The following POLK variants were observed in gnomAD, a reference collection of about 807,000 sequenced individuals.
The protein encoded by POLK is DNA polymerase kappa, also known as polymerase (DNA directed) kappa.
In POLK, 76 loss-of-function variants were observed where a neutral mutation model predicts 94.0. The observed-to-expected ratio is 0.81, with a 90% CI of 0.67 to 0.98. The LOEUF (loss-of-function observed/expected upper bound fraction) is 0.98. Among genes scored for constraint, POLK ranks in the 50% least tolerant of loss-of-function variants. The pLI is 0.00. For synonymous variants in POLK, 349 were observed against 325.4 expected, an observed-to-expected ratio of 1.07 and a Z score of -0.78; for missense variants, 954 against 1,010.1, an observed-to-expected ratio of 0.94 and a Z score of 0.75.
intron 1 of POLK, among the ~76,000 whole-genome samples, chr5:75,529,429 A>G (rs925134261): frequency 2.0e-5 from 3 of 152,144 alleles, no homozygotes; most frequent in Non-Finnish European, 4.4e-5. Flanking sequence ...CCCCACTCCA[A>G]CATTGGGGAT....
intron 11 of POLK, 81 bp downstream of exon 11, chr5:75,590,521 C>T (rs1401785678): frequency 2.5e-6 from 2 of 795,312 alleles, no homozygotes; most frequent in Non-Finnish European, 2.2e-6. Context: ...AGTTAGATTA[C>T]ACATTTCTTA....
At chr5:75,588,695 A>C (rs961486424) in intron 10 of POLK, among the ~76,000 whole-genome samples, 2 of 152,222 alleles carry the variant, frequency 1.3e-5, no homozygotes, top group African/African-American at 4.8e-5. Context: ...TCTAAAGTTA[A>C]TGTGTTGGTA....
intron 6 of POLK, among the ~76,000 whole-genome samples, chr5:75,577,324 G>T (rs1294638301): frequency 9.2e-5 from 14 of 152,022 alleles, no homozygotes; most frequent in Admixed American, 8.5e-4. Flanking sequence ...CAAAACATTG[G>T]ATGATTCTAT....
In POLK at chr5:75,527,502, T is replaced by TATATAC. The variant is rs555220325; in HGVS notation, c.-14+15589_-14+15590insTATACA. On this transcript the variant is annotated intron_variant, in intron 1 of 14. Transcript: ENST00000241436. Reference sequence around the variant, plus strand: ...CTCAAAAAAAAAAAAAATTTATATATACACACACACACACACACACACACA... The same window carrying TATATAC: ...CTCAAAAAAAAAAAAAATTTATATATATATACACACACACACACACACACACACACA... Among the ~76,000 whole-genome samples the TATATAC allele has an allele frequency of 6.3e-3, 842 of 133,020 alleles. 5 individuals are homozygous for TATATAC. The highest frequency in any genetic ancestry group is 0.016 in the Middle Eastern group (4 of 248). 87.3% of individuals were successfully genotyped at this position (133,020 alleles called of 152,430 possible).
At chr5:75,587,369 C>T (rs546220172) in intron 10 of POLK, among the ~76,000 whole-genome samples, 11 of 152,134 alleles carry the variant, frequency 7.2e-5, no homozygotes, top group African/African-American at 2.4e-4. Flanking sequence ...GTATTTACTT[C>T]GGAAATTTAA....
exon 15 of POLK, chr5:75,600,109 A>G (rs1773263906): frequency 6.6e-6 from 1 of 152,206 alleles, no homozygotes; most frequent in South Asian, 2.1e-4. Context: ...ACTAGTGTCC[A>G]GAATATATAA....
At chr5:75,601,821 G>T (rs1773303177), downstream of POLK, among the ~76,000 whole-genome samples, 1 of 152,058 alleles carries the variant, frequency 6.6e-6, no homozygotes, top group South Asian at 2.1e-4. Context: ...CAGACTGTGG[G>T]ACTTCACCTT....
At chr5:75,559,506 T>TG (rs1561371180) in intron 3 of POLK, among the ~76,000 whole-genome samples, 6 of 146,090 alleles carry the variant, frequency 4.1e-5, no homozygotes, top group African/African-American at 1.3e-4. Context: ...TTGGGGTTTG[T>TG]TTTTTTGTTT....
intron 1 of POLK, among the ~76,000 whole-genome samples, chr5:75,529,109 T>C (rs541807489): frequency 4.0e-4 from 61 of 152,312 alleles, no homozygotes; most frequent in African/African-American, 1.4e-3. Context: ...CTGGGTAATT[T>C]ATAAAGAAAA....
intron 4 of POLK, 29 bp from the exon 5 acceptor site, chr5:75,573,709 T>G: frequency 1.9e-6 from 3 of 1,598,066 alleles, no homozygotes; most frequent in Non-Finnish European, 2.6e-6. Context: ...GTTTGTGTAT[T>G]TTTTTCCATG....
intron 3 of POLK, among the ~76,000 whole-genome samples, chr5:75,559,505 G>GTGT (rs1770841207): frequency 8.6e-5 from 6 of 70,110 alleles, no homozygotes; most frequent in African/African-American, 2.9e-4. Context: ...TTTGGGGTTT[G>GTGT]TTTTTTTGTT....
chr5:75,590,924 T>C (rs1342578234), intron 11 of POLK, among the ~76,000 whole-genome samples: 1 of 152,184 alleles, frequency 6.6e-6, no homozygotes, highest in Non-Finnish European at 1.5e-5. Context: ...TATAAGGCTT[T>C]GAACTTGCTA....
chr5:75,579,370 AT>A (rs1178315689), intron 6 of POLK, among the ~76,000 whole-genome samples: 1 of 148,798 alleles, frequency 6.7e-6, no homozygotes. Context: ...TTTTTTTTTT[AT>A]TTTTTTTTAT....
chr5:75,533,713 A>G (rs1368457422), intron 1 of POLK, among the ~76,000 whole-genome samples: 2 of 152,172 alleles, frequency 1.3e-5, no homozygotes, highest in Non-Finnish European at 2.9e-5. Context: ...GATTCATTCT[A>G]TCCATGAGCA....
intron 3 of POLK, among the ~76,000 whole-genome samples, chr5:75,562,446 C>A (rs2112718968): frequency 6.6e-6 from 1 of 152,252 alleles, no homozygotes. Context: ...ACAATCATGT[C>A]ACCTGCAAAC....
At chr5:75,554,185 T>C (rs1770476340) in intron 3 of POLK, among the ~76,000 whole-genome samples, 1 of 152,320 alleles carries the variant, frequency 6.6e-6, no homozygotes, top group Non-Finnish European at 1.5e-5. Flanking sequence ...GCTATAACTT[T>C]AGCTGGGTGC....
chr5:75,511,176 C>G, upstream of POLK: 1 of 1,612,634 alleles, frequency 6.2e-7, no homozygotes, highest in East Asian at 2.2e-5. Flanking sequence ...CTCCTCCGAG[C>G]CCGACGAGTT....
At chr5:75,583,790 A>G (rs1772321956) in intron 8 of POLK, among the ~76,000 whole-genome samples, 2 of 152,186 alleles carry the variant, frequency 1.3e-5, no homozygotes, top group African/African-American at 4.8e-5. Context: ...TTAGAATTTT[A>G]ATTGTTTTTG....
intron 5 of POLK, among the ~76,000 whole-genome samples, chr5:75,575,685 A>G (rs559290836): frequency 1.3e-5 from 2 of 152,314 alleles, no homozygotes; most frequent in South Asian, 4.1e-4. Flanking sequence ...GAAAGATTCT[A>G]TTTGAGCACA....
Sources: allele counts gnomAD v4.1 joint callset (sites outside exome capture counted in the v4.1 genomes callset), GRCh38; gene constraint gnomAD v4.1.1; transcripts MANE v1.5; gene names NCBI Gene and HGNC (gene_info 2026-07-23, HGNC 2026-07-21).